Variants in PITPNM2 observed in about 807,000 individuals in gnomAD.
PITPNM2 encodes the protein phosphatidylinositol transfer protein membrane associated 2, also known as membrane-associated phosphatidylinositol transfer protein 2.
PITPNM2 carries 35 observed loss-of-function variants against 132.2 expected under a neutral mutation model. That is an observed-to-expected ratio of 0.26 (90% confidence interval 0.20 to 0.35). The LOEUF (loss-of-function observed/expected upper bound fraction) is 0.35. Among genes scored for constraint, PITPNM2 ranks in the 10% least tolerant of loss-of-function variants. The probability of loss-of-function intolerance (pLI) is 1.00; values close to 1 mark genes in which losing one functional copy is unlikely to be tolerated. For synonymous variants in PITPNM2, 738 were observed against 799.2 expected (o/e 0.92, Z 1.29); for missense variants, 1,332 against 1,912.0 (o/e 0.70, Z 5.66).
intron 3 of PITPNM2, 185 bp downstream of exon 3, chr12:123,034,328 G>A: frequency 1.7e-6 from 1 of 586,740 alleles, no homozygotes; most frequent in Non-Finnish European, 3.0e-6. Context: ...GTGCGCCCAT[G>A]GTGTGCTCTG....
intron 14 of PITPNM2, 136 bp downstream of exon 14, chr12:122,995,253 G>A: frequency 7.6e-7 from 1 of 1,310,230 alleles, no homozygotes; most frequent in Non-Finnish European, 1.0e-6. Flanking sequence ...GCCCAGACTG[G>A]GATTCCAGGT....
At chr12:123,017,840 T>G (rs1461625399) in intron 3 of PITPNM2, among the ~76,000 whole-genome samples, 1 of 152,144 alleles carries the variant, frequency 6.6e-6, no homozygotes, top group East Asian at 1.9e-4. Context: ...GAAAGTGAAT[T>G]AGTGGTGGCC....
intron 6 of PITPNM2, among the ~76,000 whole-genome samples, chr12:123,006,926 T>C (rs1395926889): frequency 6.6e-6 from 1 of 152,064 alleles, no homozygotes; most frequent in Admixed American, 6.6e-5. Flanking sequence ...GTGAATCATA[T>C]GGAATCTAAA....
intron 1 of PITPNM2, among the ~76,000 whole-genome samples, chr12:123,136,467 TC>T (rs1183477833): frequency 6.6e-6 from 1 of 152,152 alleles, no homozygotes; most frequent in Non-Finnish European, 1.5e-5. Flanking sequence ...CAGCTTATCT[TC>T]CATGTAATCT....
At position 122,986,257 on chromosome 12, in the gene PITPNM2, G is replaced by T; in HGVS notation, c.3820C>A (p.Arg1274Ser). 6.3e-7 allele frequency: 1 copy of T among 1,580,294 alleles called. No homozygotes were observed. Among genetic ancestry groups the T allele is most frequent in the Non-Finnish European group, 8.6e-7 (1 of 1,167,978 alleles). ...ARNTATRMAL[R>S]KGSFGLPGQG... is the part of the protein sequence containing the mutation. ...CCGGGCAGGCCGAAGCTGCCCTTGC[G>T]CAGCGCCATGCGGGTGGCCGTGTTG... Residue 1274 changes from arginine (R) to serine (S), a missense_variant, in exon 26 of 26, where the codon CGC becomes AGC. Physicochemically the swap from Arg to Ser is moderately radical, Grantham distance 110. Around this residue, in one of 6 missense-constraint regions of PITPNM2, gnomAD observed 163 missense variants for 177.2 expected, o/e 0.92. Coordinates refer to ENST00000320201, the MANE Select transcript of PITPNM2 (RefSeq NM_020845.3).
At chr12:123,024,345 G>C (rs1278527054) in intron 3 of PITPNM2, among the ~76,000 whole-genome samples, 2 of 152,200 alleles carry the variant, frequency 1.3e-5, no homozygotes, top group Non-Finnish European at 2.9e-5. Context: ...TGGTGCAGCT[G>C]CTGTGGCAAA....
intron 1 of PITPNM2, among the ~76,000 whole-genome samples, chr12:123,120,038 G>A (rs767334591): frequency 3.9e-5 from 6 of 152,192 alleles, no homozygotes; most frequent in Non-Finnish European, 7.3e-5. Flanking sequence ...ACTCATCACA[G>A]GTGCCTGTAT....
intron 1 of PITPNM2, among the ~76,000 whole-genome samples, chr12:123,125,863 GGTTTTT>G (rs2043127562): frequency 1.3e-5 from 1 of 79,588 alleles, no homozygotes; most frequent in African/African-American, 4.2e-5. Context: ...AAAAAATTAG[GGTTTTT>G]TTTTTTTTTT....
chr12:123,013,776 C>T (rs377052806), intron 4 of PITPNM2, 52 bp downstream of exon 4: 34 of 1,575,850 alleles, frequency 2.2e-5, no homozygotes, highest in South Asian at 4.5e-5. Context: ...GATTGCTTCC[C>T]GCCAGATGGC....
intron 3 of PITPNM2, among the ~76,000 whole-genome samples, chr12:123,019,432 G>C (rs2039581032): frequency 6.6e-6 from 1 of 152,180 alleles, no homozygotes; most frequent in African/African-American, 2.4e-5. Flanking sequence ...ATGAAACTGG[G>C]AAAGAAAAGT....
chr12:123,105,971 C>G (rs774370973), intron 2 of PITPNM2, among the ~76,000 whole-genome samples: 2 of 152,186 alleles, frequency 1.3e-5, no homozygotes, highest in African/African-American at 4.8e-5. Context: ...GGCCAGCTTC[C>G]TTCCTGGCCC....
intron 2 of PITPNM2, among the ~76,000 whole-genome samples, chr12:123,086,520 C>T (rs975636165): frequency 6.6e-6 from 1 of 152,152 alleles, no homozygotes; most frequent in Non-Finnish European, 1.5e-5. Flanking sequence ...TGTGGGTCAG[C>T]GATCCTGAAG....
intron 3 of PITPNM2, among the ~76,000 whole-genome samples, chr12:123,026,165 T>A (rs1489732136): frequency 6.6e-6 from 1 of 152,240 alleles, no homozygotes; most frequent in Non-Finnish European, 1.5e-5. Flanking sequence ...CTCTTTGGTG[T>A]CAATTTCCAA....
intron 2 of PITPNM2, among the ~76,000 whole-genome samples, chr12:123,053,996 T>C (rs925978787): frequency 6.6e-6 from 1 of 152,246 alleles, no homozygotes; most frequent in Non-Finnish European, 1.5e-5. Context: ...TTATCACTTA[T>C]GTAGGTTTGT....
chr12:123,039,481 A>G (rs146696068), intron 2 of PITPNM2, among the ~76,000 whole-genome samples: 1 of 152,348 alleles, frequency 6.6e-6, no homozygotes, highest in East Asian at 1.9e-4. Flanking sequence ...TTGGAGAAGA[A>G]CAAAGGTAGA....
intron 2 of PITPNM2, among the ~76,000 whole-genome samples, chr12:123,055,921 A>T (rs1335132262): frequency 6.6e-6 from 1 of 152,044 alleles, no homozygotes; most frequent in Non-Finnish European, 1.5e-5. Context: ...CACACTTGCA[A>T]GATGTTAGTG....
At chr12:123,091,218 A>G (rs1174158583) in intron 2 of PITPNM2, 5 of 152,204 alleles carry the variant, frequency 3.3e-5, no homozygotes, top group Non-Finnish European at 7.3e-5. Context: ...TCCTGCAGCC[A>G]GTTCATTAGG....
At chr12:123,128,866 T>A (rs1278281260) in intron 1 of PITPNM2, among the ~76,000 whole-genome samples, 1 of 151,720 alleles carries the variant, frequency 6.6e-6, no homozygotes, top group East Asian at 1.9e-4. Flanking sequence ...CTGGGGCCAG[T>A]GGGCTCACGC....
rs182871096 is a variant in PITPNM2, at chr12:123,035,057, C to A, written c.-95-372G>T. On this transcript the variant is annotated intron_variant, in intron 2 of 25. Transcript: ENST00000320201. ...GTACTGACACAGTGAGTAATGATAG[C>A]TGGTCATGGAAAAGCAGGCAGATCA... is the stretch of plus-strand genomic sequence containing the variant. Among the ~76,000 whole-genome samples, 43 of 152,282 alleles carry A rather than the reference C, an allele frequency of 2.8e-4. 1 individual carries two copies. The East Asian group carries it at 7.1e-3, about 25-fold the overall frequency.
Sources: allele counts gnomAD v4.1 joint callset (sites outside exome capture counted in the v4.1 genomes callset), GRCh38; gene constraint gnomAD v4.1.1; regional missense constraint gnomAD v4.1.1; transcripts MANE v1.5; gene names NCBI Gene and HGNC (gene_info 2026-07-23, HGNC 2026-07-21).